LCMT1: variants seen among roughly 807,000 people sequenced by gnomAD.
LCMT1 encodes [Phosphatase 2A protein]-leucine-carboxy methyltransferase 1.
In LCMT1, 32 loss-of-function variants were observed where a neutral mutation model predicts 47.7. That is an observed-to-expected ratio of 0.67 (90% CI 0.51 to 0.90). The LOEUF is 0.90. LCMT1 is among the 40% of genes least tolerant of loss of function. The pLI is 0.00. For missense variants in LCMT1, 375 were observed against 415.2 expected, an observed-to-expected ratio of 0.90 and a Z score of 0.84; for synonymous variants, 152 against 149.7, an observed-to-expected ratio of 1.02 and a Z score of -0.11.
chr16:25,127,618 A>G (rs1246140493), intron 1 of LCMT1, among the ~76,000 whole-genome samples: 1 of 152,230 alleles, frequency 6.6e-6, no homozygotes, highest in Non-Finnish European at 1.5e-5. Context: ...CTTAGCAGGC[A>G]ACAAGAAATG....
At chr16:25,162,172 G>A (rs1961451003) in intron 6 of LCMT1, among the ~76,000 whole-genome samples, 1 of 152,220 alleles carries the variant, frequency 6.6e-6, no homozygotes, top group Admixed American at 6.5e-5. Flanking sequence ...GATGTTCATT[G>A]TAGTTCATGA....
intron 1 of LCMT1, among the ~76,000 whole-genome samples, chr16:25,127,955 T>C (rs2078112): frequency 0.73 from 111,483 of 152,144 alleles, 41,022 homozygotes; most frequent in Middle Eastern, 0.78. Context: ...CTTGCTTTGT[T>C]CATTTCTTCC....
chr16:25,160,794 TG>T, intron 5 of LCMT1: 1 of 560,652 alleles, frequency 1.8e-6, no homozygotes, highest in South Asian at 1.4e-5. Flanking sequence ...ACATATTGGG[TG>T]GTCCCATTTT....
chr16:25,156,244 TA>T (rs1337764487), intron 5 of LCMT1, among the ~76,000 whole-genome samples: 1 of 152,190 alleles, frequency 6.6e-6, no homozygotes, highest in African/African-American at 2.4e-5. Flanking sequence ...CTCCTTGATA[TA>T]TTCTTGATTA....
chr16:25,154,314 G>A (rs970539910), intron 5 of LCMT1, among the ~76,000 whole-genome samples: 2 of 151,736 alleles, frequency 1.3e-5, no homozygotes, highest in Admixed American at 1.3e-4. Context: ...CCTGGCTGAT[G>A]CCCTATTATT....
At chr16:25,143,366 T>C (rs1214782637) in intron 4 of LCMT1, 1 of 152,210 alleles carries the variant, frequency 6.6e-6, no homozygotes, top group Non-Finnish European at 1.5e-5. Flanking sequence ...ATCTTAACTT[T>C]CCCTGATGAT....
rs752385200 is a variant in LCMT1 at position 25,169,229 on chromosome 16, C to T, written c.792+16C>T. ...AGAGTCACAGGTCAGAGAGCAGGGA[C>T]TGGGATATCCATTTGGACCCTTAGT... On this transcript the variant is annotated intron_variant, in intron 8 of 10. Coordinates refer to ENST00000399069, the MANE Select transcript of LCMT1 (RefSeq NM_016309.3). 6.0e-5 allele frequency: 91 copies of T among 1,524,474 alleles called. 1 individual carries two copies. In the Admixed American group the frequency reaches 1.3e-3, roughly 22 times the overall value. The allele number at this position is 1,524,474 out of a possible 1,614,324, so 94.4% of individuals were successfully genotyped here. A position where few individuals can be genotyped will look rare whatever the true frequency, so the allele number is the denominator to read the frequency against.
chr16:25,151,695 G>GT (rs1961086485), intron 5 of LCMT1, 80 bp downstream of exon 5: 47 of 868,034 alleles, frequency 5.4e-5, no homozygotes, highest in Admixed American at 3.7e-4. Flanking sequence ...GGTTTGTGTT[G>GT]GGTGTGTGTG....
At chr16:25,148,931 CTG>C (rs1960974138) in intron 4 of LCMT1, 1 of 152,292 alleles carries the variant, frequency 6.6e-6, no homozygotes, top group African/African-American at 2.4e-5. Flanking sequence ...GGCAGAGACT[CTG>C]CGGCTGGCTC....
Position 25,170,950 on chromosome 16 carries a change from G to A in LCMT1, c.884+145G>A, listed in dbSNP as rs145644572. The A allele has an allele frequency of 1.2e-5, 7 of 567,856 alleles. No homozygotes were observed. The Admixed American group carries it at 1.7e-4, about 14-fold the overall frequency. 35.2% of individuals were successfully genotyped at this position (567,856 alleles called of 1,614,324 possible). A position where few individuals can be genotyped will look rare whatever the true frequency, so the allele number is the denominator to read the frequency against. Reference sequence around the variant, plus strand: ...AACAAACAAACAAATAAAAAACAAGGCCAGGCACGGTGGCTCACACCTGTA... The same window carrying A: ...AACAAACAAACAAATAAAAAACAAGACCAGGCACGGTGGCTCACACCTGTA... On this transcript the variant is annotated intron_variant, in intron 9 of 10. Coordinates refer to ENST00000399069, the MANE Select transcript of LCMT1 (RefSeq NM_016309.3).
chr16:25,167,620 A>G (rs1275410206), intron 7 of LCMT1, among the ~76,000 whole-genome samples: 1 of 152,212 alleles, frequency 6.6e-6, no homozygotes, highest in Non-Finnish European at 1.5e-5. Context: ...CTTGTTGCCT[A>G]ATTAGTAGTT....
At chr16:25,175,388 C>T (rs796081141) in intron 10 of LCMT1, among the ~76,000 whole-genome samples, 4 of 151,768 alleles carry the variant, frequency 2.6e-5, no homozygotes, top group African/African-American at 9.7e-5. Context: ...CTTTGGGAGG[C>T]TGAGGTGGGC....
chr16:25,159,371 G>A (rs1961353371), intron 5 of LCMT1, among the ~76,000 whole-genome samples: 1 of 152,214 alleles, frequency 6.6e-6, no homozygotes, highest in Non-Finnish European at 1.5e-5. Flanking sequence ...CTGGGCTCAA[G>A]CCATCACACC....
At chr16:25,177,340 T>C (rs1476529300) in intron 10 of LCMT1, among the ~76,000 whole-genome samples, 1 of 152,224 alleles carries the variant, frequency 6.6e-6, no homozygotes, top group African/African-American at 2.4e-5. Flanking sequence ...CTTGTGACTT[T>C]TCCCTTCCCC....
intron 1 of LCMT1, among the ~76,000 whole-genome samples, chr16:25,115,390 T>C (rs1319922412): frequency 1.3e-5 from 2 of 152,128 alleles, no homozygotes; most frequent in Admixed American, 6.5e-5. Flanking sequence ...AACTATCCAT[T>C]TTTGCCTTGA....
chr16:25,118,017 C>T (rs1231347753), intron 1 of LCMT1, among the ~76,000 whole-genome samples: 1 of 152,150 alleles, frequency 6.6e-6, no homozygotes, highest in Non-Finnish European at 1.5e-5. Flanking sequence ...TCTGTTTCTG[C>T]CGTCTGTGAT....
At chr16:25,171,080 G>A (rs202853) in intron 9 of LCMT1, among the ~76,000 whole-genome samples, 36,272 of 151,654 alleles carry the variant, frequency 0.24, 4,420 homozygotes, top group East Asian at 0.34. Context: ...TACTAAAAAT[G>A]CAAAAATTAG....
chr16:25,116,470 ATTGT>A (rs1052260437), intron 1 of LCMT1, among the ~76,000 whole-genome samples: 3 of 152,022 alleles, frequency 2.0e-5, no homozygotes, highest in African/African-American at 7.2e-5. Flanking sequence ...GGTCTGCGCG[ATTGT>A]TTATGTCCAA....
intron 4 of LCMT1, chr16:25,144,882 A>G (rs277909): frequency 0.23 from 34,657 of 152,172 alleles, 4,077 homozygotes; most frequent in East Asian, 0.35. Flanking sequence ...AGTCTCTCAC[A>G]AACATACAAG....
Sources: allele counts gnomAD v4.1 joint callset (sites outside exome capture counted in the v4.1 genomes callset), GRCh38; gene constraint gnomAD v4.1.1; transcripts MANE v1.5; gene names NCBI Gene and HGNC (gene_info 2026-07-23, HGNC 2026-07-21).